The following PPIP5K1 variants were observed in gnomAD, a reference collection of about 807,000 sequenced individuals.
The protein encoded by PPIP5K1 is diphosphoinositol pentakisphosphate kinase 1, also known as inositol hexakisphosphate and diphosphoinositol-pentakisphosphate kinase 1.
Under a neutral mutation model 27.7 loss-of-function variants are expected in PPIP5K1, and 6 were observed. That is an observed-to-expected ratio of 0.22 (90% CI 0.12 to 0.43). The LOEUF (loss-of-function observed/expected upper bound fraction) is 0.43. PPIP5K1 is among the 20% of genes least tolerant of loss of function. PPIP5K1 has a pLI of 1.00. For synonymous variants in PPIP5K1, 145 were observed against 242.6 expected, an observed-to-expected ratio of 0.60 and a Z score of 3.74; for missense variants, 394 against 635.4, an observed-to-expected ratio of 0.62 and a Z score of 4.08.
At chr15:43,566,904 A>G (rs1228593189) in intron 26 of PPIP5K1, among the ~76,000 whole-genome samples, 2 of 20,424 alleles carry the variant, frequency 9.8e-5, no homozygotes, top group Non-Finnish European at 1.4e-4. Flanking sequence ...CCCAGTCCTC[A>G]GATCATCTCA....
chr15:43,551,788 A>T (rs1345923590), intron 30 of PPIP5K1, among the ~76,000 whole-genome samples: 7 of 150,918 alleles, frequency 4.6e-5, no homozygotes, highest in African/African-American at 1.7e-4. Flanking sequence ...TATTTTTAGT[A>T]GAGACGGGGT....
At position 43,579,548 on chromosome 15, in the gene PPIP5K1, TATATATAC is replaced by T. The variant is rs1226279118; in HGVS notation, c.1062-436_1062-429del. Among the ~76,000 whole-genome samples, 21 of 85,420 alleles carry T rather than the reference TATATATAC, an allele frequency of 2.5e-4. No homozygotes were observed. In the South Asian group the frequency reaches 8.5e-3, roughly 34 times the overall value. The allele number at this position is 85,420 out of a possible 152,430, so 56.0% of individuals were successfully genotyped here. A position where few individuals can be genotyped will look rare whatever the true frequency, so the allele number is the denominator to read the frequency against. On this transcript the variant is annotated intron_variant, in intron 10 of 31. Coordinates refer to ENST00000420765, the MANE Select transcript of PPIP5K1 (RefSeq NM_001394395.1). ...GTATATAGATGCACATATGTATGTG[TATATATAC>T]ATATATACGTACATATATACACATA...
chr15:43,553,641 T>TGG (rs140985800), intron 30 of PPIP5K1, among the ~76,000 whole-genome samples: 1 of 104,438 alleles, frequency 9.6e-6, no homozygotes, highest in African/African-American at 3.6e-5. Flanking sequence ...ACTAATTTTC[T>TGG]GTGTGTTTTT....
chr15:43,553,507 T>A (rs1438173382), intron 30 of PPIP5K1, among the ~76,000 whole-genome samples: 4 of 152,148 alleles, frequency 2.6e-5, no homozygotes, highest in Non-Finnish European at 4.4e-5. Flanking sequence ...CATGCCCAAT[T>A]AAATTTTTAA....
At position 43,535,189 on chromosome 15, in the gene PPIP5K1, C is replaced by G. The variant is rs113734744; in HGVS notation, c.3958G>C (p.Asp1320His). The change falls in exon 32 of 32, where the codon GAC becomes CAC. Residue 1320 changes from aspartate to histidine, a missense_variant. Asp to His is a moderately conservative substitution (Grantham distance 81). Transcript: ENST00000420765. The stretch of plus-strand genomic sequence containing the variant: ...ATGTCCTGGCATGGCTGGCTGATGT[C>G]AGGGACCTCCTGACATGGCTGGCTG... Reference protein sequence around the residue: ...EVSQPCQEVPDISQPCQDISE... With the variant: ...EVSQPCQEVPHISQPCQDISE... 2.0e-3 allele frequency: 3,219 copies of G among 1,614,020 alleles called. 47 individuals are homozygous for G. The African/African-American group carries it at 0.038, about 19-fold the overall frequency.
At chr15:43,548,104 A>G (rs751455568) in intron 30 of PPIP5K1, among the ~76,000 whole-genome samples, 8 of 149,356 alleles carry the variant, frequency 5.4e-5, no homozygotes, top group Non-Finnish European at 1.0e-4. Context: ...ACACCCAGCT[A>G]ATTTTTTTTT....
At chr15:43,549,152 T>G (rs1478612813) in intron 30 of PPIP5K1, among the ~76,000 whole-genome samples, 1 of 145,402 alleles carries the variant, frequency 6.9e-6, no homozygotes, top group African/African-American at 2.5e-5. Context: ...GCTCAAGCAA[T>G]CCTTCTGCCT....
intron 30 of PPIP5K1, among the ~76,000 whole-genome samples, chr15:43,553,972 G>C (rs763390133): frequency 6.2e-4 from 95 of 152,096 alleles, no homozygotes; most frequent in Non-Finnish European, 1.2e-3. Flanking sequence ...CCGACGAGTT[G>C]TTCTGTCCAT....
chr15:43,538,897 G>A (rs1327847597), intron 31 of PPIP5K1, among the ~76,000 whole-genome samples: 1 of 152,194 alleles, frequency 6.6e-6, no homozygotes, highest in African/African-American at 2.4e-5. Context: ...AGGGATGAAA[G>A]GGGAATGAAG....
rs2079705335 is a variant in PPIP5K1, at chr15:43,535,416, T to A, written c.3731A>T (p.Asp1244Val). The stretch of plus-strand genomic sequence containing the variant: ...ACTGAAGCCAAATTGGGAGTTACCA[T>A]CTACTGTAGTAGGGGAAGAAGGACC... ...SAGPSSPTTV[D>V]GNSQFGFSDQ... The change falls in exon 32 of 32, where the codon GAT (aspartate) becomes GTT (valine). Residue 1244 changes from aspartate to valine, a missense_variant. Transcript: ENST00000420765. The A allele has an allele frequency of 1.2e-6, 2 of 1,613,116 alleles. No homozygotes were observed. Among genetic ancestry groups the A allele is most frequent in the Non-Finnish European group, 1.7e-6 (2 of 1,179,588 alleles).
At chr15:43,548,633 G>A (rs1216492207) in intron 30 of PPIP5K1, 1 of 150,868 alleles carries the variant, frequency 6.6e-6, no homozygotes, top group Non-Finnish European at 1.5e-5. Flanking sequence ...GCTCACTGCA[G>A]TCTTGACCTT....
chr15:43,552,551 A>G (rs1435380154), intron 30 of PPIP5K1, among the ~76,000 whole-genome samples: 1 of 150,366 alleles, frequency 6.7e-6, no homozygotes, highest in African/African-American at 2.4e-5. Flanking sequence ...AAAAAGAAAA[A>G]AAAAAGAAAA....
rs904095704 is a variant in PPIP5K1 at position 43,552,633 on chromosome 15, C to A, written c.3556+6162G>T. On this transcript the variant is annotated intron_variant, in intron 30 of 31. Coordinates refer to ENST00000420765, the MANE Select transcript of PPIP5K1 (RefSeq NM_001394395.1). The stretch of plus-strand genomic sequence containing the variant: ...ACTCAGGGGGTGAGTAGCTGGAGGT[C>A]GAGGTTGCACTGAGCCATGATCGTA... Among the ~76,000 whole-genome samples the A allele has an allele frequency of 6.7e-5, 10 of 149,000 alleles. No individual in the cohort carries two copies. The Middle Eastern group carries it at 0.011, about 157-fold the overall frequency.
At chr15:43,548,242 G>A (rs1164686785) in intron 30 of PPIP5K1, among the ~76,000 whole-genome samples, 2 of 151,460 alleles carry the variant, frequency 1.3e-5, no homozygotes, top group Admixed American at 6.6e-5. Context: ...GGGACTACAG[G>A]CACCCGCCAC....
At chr15:43,550,057 T>G (rs1313106786) in intron 30 of PPIP5K1, among the ~76,000 whole-genome samples, 1 of 152,138 alleles carries the variant, frequency 6.6e-6, no homozygotes, top group Non-Finnish European at 1.5e-5. Flanking sequence ...CCTCCCGCCT[T>G]AGCCTCTCAA....
chr15:43,578,579 A>C, intron 11 of PPIP5K1, among the ~76,000 whole-genome samples: 1 of 110,816 alleles, frequency 9.0e-6, no homozygotes, highest in East Asian at 2.1e-4. Flanking sequence ...AGAAAAGGGA[A>C]CTGAGATTAG....
intron 30 of PPIP5K1, among the ~76,000 whole-genome samples, chr15:43,554,313 T>G (rs1252846252): frequency 6.6e-6 from 1 of 152,104 alleles, no homozygotes; most frequent in Non-Finnish European, 1.5e-5. Context: ...GACTTTCTCT[T>G]ACTTGTAACA....
rs757534060 is a variant in PPIP5K1 at position 43,535,140 on chromosome 15, C to A, written c.4007G>T (p.Cys1336Phe). Residue 1336 changes from cysteine (C) to phenylalanine (F), a missense_variant, in exon 32 of 32, where the codon TGT becomes TTT. By Grantham distance (205) the Cys-to-Phe change is radical. Around this residue, in one of 4 missense-constraint regions of PPIP5K1, gnomAD observed 379 missense variants for 423.9 expected, o/e 0.89. Transcript: ENST00000420765. ...QDISEALSQP[C>F]QKVPDISQQC... ...CTGGCTGATGTCAGGGACCTTCTGA[C>A]ATGGCTGGCTGAGCGCCTCAGAAAT... 24 of 1,613,358 alleles carry A rather than the reference C, an allele frequency of 1.5e-5. No homozygotes were observed. The African/African-American group carries it at 2.5e-4, about 17-fold the overall frequency.
At position 43,552,538 on chromosome 15, in the gene PPIP5K1, A is replaced by G. The variant is rs1484631059; in HGVS notation, c.3556+6257T>C. On this transcript the variant is annotated intron_variant, in intron 30 of 31. Coordinates refer to ENST00000420765, the MANE Select transcript of PPIP5K1 (RefSeq NM_001394395.1). ...GAAACTCTGTCTCTATAAAAAAAAA[A>G]AAAAAAAGAAAAAAAAAAGAAAAAA... Among the ~76,000 whole-genome samples the G allele has an allele frequency of 2.6e-4, 39 of 147,508 alleles. 1 individual carries two copies. Among genetic ancestry groups the G allele is most frequent in the African/African-American group, 6.9e-4 (28 of 40,686 alleles).
Sources: allele counts gnomAD v4.1 joint callset (sites outside exome capture counted in the v4.1 genomes callset), GRCh38; gene constraint gnomAD v4.1.1; regional missense constraint gnomAD v4.1.1; transcripts MANE v1.5; gene names NCBI Gene and HGNC (gene_info 2026-07-23, HGNC 2026-07-21).